Variants in IVD observed in about 807,000 individuals in gnomAD.
IVD encodes the protein isovaleryl-CoA dehydrogenase, mitochondrial.
Under a neutral mutation model 51.3 loss-of-function variants are expected in IVD, and 31 were observed. The observed-to-expected ratio is 0.60, with a 90% CI of 0.45 to 0.81. IVD has a LOEUF of 0.81. Among genes scored for constraint, IVD ranks in the 40% least tolerant of loss-of-function variants. The probability of loss-of-function intolerance (pLI) is 0.00; values close to 1 mark genes in which losing one functional copy is unlikely to be tolerated. For synonymous variants in IVD, 205 were observed against 219.4 expected, an observed-to-expected ratio of 0.93 and a Z score of 0.58; for missense variants, 475 against 552.0, an observed-to-expected ratio of 0.86 and a Z score of 1.40.
At position 40,420,060 on chromosome 15, in the gene IVD, G is replaced by A. The variant is rs925240293; in HGVS notation, c.*1797G>A. 12 of 855,396 alleles carry A rather than the reference G, an allele frequency of 1.4e-5. No homozygotes were observed. Among genetic ancestry groups the A allele is most frequent in the East Asian group, 1.2e-4 (1 of 8,134 alleles). 53.0% of individuals were successfully genotyped at this position (855,396 alleles called of 1,614,324 possible). A position where few individuals can be genotyped will look rare whatever the true frequency, so the allele number is the denominator to read the frequency against. ...CAGAGGTTGCAGGAGCTGAGATCGC[G>A]CCATTGCACTCCAGCCTGGGCAACA... On this transcript the variant is annotated 3_prime_UTR_variant, in exon 12 of 12. Transcript: ENST00000487418.
chr15:40,406,878 T>C (rs1293153153), intron 1 of IVD, among the ~76,000 whole-genome samples: 1 of 151,526 alleles, frequency 6.6e-6, no homozygotes, highest in East Asian at 1.9e-4. Flanking sequence ...TTTTTTTTTT[T>C]TTGAGACGGA....
At chr15:40,414,845 G>T in intron 7 of IVD, 44 bp from the exon 8 acceptor site, 1 of 1,612,004 alleles carries the variant, frequency 6.2e-7, no homozygotes, top group Non-Finnish European at 8.5e-7. Flanking sequence ...AAGTGAGGAG[G>T]CTGTGGACAG....
At chr15:40,424,054 G>C (rs2304645), downstream of IVD, 428,728 of 845,700 alleles carry the variant, frequency 0.51, 112,962 homozygotes, top group East Asian at 0.7. Context: ...CCACCACCCA[G>C]CCACTCTCAG....
intron 7 of IVD, among the ~76,000 whole-genome samples, chr15:40,430,255 T>A (rs1483340588): frequency 6.6e-6 from 1 of 152,166 alleles, no homozygotes; most frequent in African/African-American, 2.4e-5. Flanking sequence ...CTGTGGGCCA[T>A]GGAGAAACAG....
At chr15:40,431,204 G>A (rs904064105) in intron 7 of IVD, among the ~76,000 whole-genome samples, 2 of 148,402 alleles carry the variant, frequency 1.3e-5, no homozygotes, top group Admixed American at 6.8e-5. Context: ...GACAGGTCTC[G>A]AACTCCTGGG....
chr15:40,406,088 T>C (rs1445879679), intron 1 of IVD, 117 bp downstream of exon 1: 1 of 1,521,468 alleles, frequency 6.6e-7, no homozygotes, highest in African/African-American at 1.4e-5. Flanking sequence ...CTTTTGCCCG[T>C]GGGCCGTTGG....
At position 40,405,816 on chromosome 15, in the gene IVD, T is replaced by A; in HGVS notation, c.-12T>A. On this transcript the variant is annotated 5_prime_UTR_variant, in exon 1 of 12. Coordinates refer to ENST00000487418, the MANE Select transcript of IVD (RefSeq NM_002225.5). Reference sequence around the variant, plus strand: ...GCTCAGTTTCAGCGCTGGCTCTTCGTGCATGGCAGAGATGGCGACTGCGAC... The same window carrying A: ...GCTCAGTTTCAGCGCTGGCTCTTCGAGCATGGCAGAGATGGCGACTGCGAC... The A allele has an allele frequency of 6.2e-7, 1 of 1,610,716 alleles. No homozygotes were observed. The highest frequency in any genetic ancestry group is 8.5e-7 in the Non-Finnish European group (1 of 1,177,548).
At chr15:40,406,457 A>C (rs899703816) in intron 1 of IVD, 4 of 737,854 alleles carry the variant, frequency 5.4e-6, no homozygotes, top group African/African-American at 1.8e-5. Flanking sequence ...GTCGCTCTTC[A>C]GCCCATTGGG....
downstream of IVD, among the ~76,000 whole-genome samples, chr15:40,422,585 CTTTTTTTTTTTTTTTTT>C (rs1157351420): frequency 2.2e-4 from 15 of 69,134 alleles, no homozygotes; most frequent in African/African-American, 1.2e-3. Flanking sequence ...GCCCGGCCGA[CTTTTTTTTTTTTTTTTT>C]TTTTTTTTTT....
chr15:40,432,393 G>C (rs1261597695), intron 7 of IVD, among the ~76,000 whole-genome samples: 1 of 152,210 alleles, frequency 6.6e-6, no homozygotes, highest in Non-Finnish European at 1.5e-5. Context: ...AAGCAATGCT[G>C]TCTGCATGGC....
At position 40,421,123 on chromosome 15, in the gene IVD, C is replaced by T. The variant is rs1892261588; in HGVS notation, c.*2860C>T. 1.0e-6 allele frequency: 1 copy of T among 985,378 alleles called. No homozygotes were observed. The highest frequency in any genetic ancestry group is 1.2e-6 in the Non-Finnish European group (1 of 829,984). The allele number at this position is 985,378 out of a possible 1,614,324, so 61.0% of individuals were successfully genotyped here. A position where few individuals can be genotyped will look rare whatever the true frequency, so the allele number is the denominator to read the frequency against. On this transcript the variant is annotated 3_prime_UTR_variant, in exon 12 of 12. Transcript: ENST00000487418. ...CCTGCTATGTTGGAGATGAATGTGA[C>T]TAAAAGGGCCATCTTGCTGGCTTAA... is the stretch of plus-strand genomic sequence containing the variant.
chr15:40,414,588 C>G (rs1335869717), intron 7 of IVD: 11 of 376,156 alleles, frequency 2.9e-5, no homozygotes, highest in South Asian at 2.4e-4. Flanking sequence ...TGGGTGACTT[C>G]TAGACCAATT....
chr15:40,411,710 A>G lies in IVD; in HGVS notation c.687+19A>G. The stretch of plus-strand genomic sequence containing the variant: ...GGAGAAGGTGAGTATAGGTGGGTGC[A>G]GGGCCAGGAGGCTTCTGCCTCCTGA... On this transcript the variant is annotated intron_variant, in intron 6 of 11. Transcript: ENST00000487418. The G allele has an allele frequency of 1.2e-6, 2 of 1,614,004 alleles. No homozygotes were observed. The highest frequency in any genetic ancestry group is 1.7e-6 in the Non-Finnish European group (2 of 1,179,950).
downstream of IVD, among the ~76,000 whole-genome samples, chr15:40,427,262 G>A (rs562956317): frequency 1.3e-5 from 2 of 152,368 alleles, no homozygotes; most frequent in South Asian, 4.1e-4. Context: ...GATCCATTCA[G>A]ACACAGCTTG....
chr15:40,413,752 G>A (rs1210440959), intron 7 of IVD, among the ~76,000 whole-genome samples: 2 of 151,842 alleles, frequency 1.3e-5, no homozygotes, highest in African/African-American at 4.8e-5. Context: ...GTGCAGTGGC[G>A]TGATCTCAGC....
chr15:40,407,213 G>C (rs1426619371), intron 1 of IVD, among the ~76,000 whole-genome samples: 1 of 152,248 alleles, frequency 6.6e-6, no homozygotes, highest in East Asian at 1.9e-4. Context: ...TTTAGCCAAA[G>C]GTTCGGGGGC....
rs1267359192 is a variant in IVD at position 40,411,628 on chromosome 15, T to C, written c.624T>C (p.Tyr208=). The C allele has an allele frequency of 6.2e-7, 1 of 1,614,178 alleles. No individual in the cohort carries two copies. Among genetic ancestry groups the C allele is most frequent in the Admixed American group, 1.7e-5 (1 of 60,028 alleles). The change falls in exon 6 of 12, where the codon TAT becomes TAC. Residue 208 remains tyrosine (Y), a synonymous_variant. Transcript: ENST00000487418. ...CTGATGCTGACGTCCTGATTGTCTA[T>C]GCCAAGACAGATCTGGCTGCTGTGC... ...NGPDADVLIV[Y]AKTDLAAVPA... is the part of the protein sequence containing the mutation.
At chr15:40,425,029 C>A (rs1892585948), downstream of IVD, among the ~76,000 whole-genome samples, 2 of 152,168 alleles carry the variant, frequency 1.3e-5, no homozygotes, top group South Asian at 4.1e-4. Flanking sequence ...GGCCCTCATC[C>A]CCGTACTCCT....
chr15:40,405,812 T>A lies in IVD; in HGVS notation c.-16T>A, dbSNP rs770278965. The stretch of plus-strand genomic sequence containing the variant: ...GCTGGCTCAGTTTCAGCGCTGGCTC[T>A]TCGTGCATGGCAGAGATGGCGACTG... On this transcript the variant is annotated 5_prime_UTR_variant, in exon 1 of 12. Transcript: ENST00000487418. 1.2e-6 allele frequency: 2 copies of A among 1,608,494 alleles called. No homozygotes were observed. Among genetic ancestry groups the A allele is most frequent in the South Asian group, 2.2e-5 (2 of 90,910 alleles).
Sources: allele counts gnomAD v4.1 joint callset (sites outside exome capture counted in the v4.1 genomes callset), GRCh38; gene constraint gnomAD v4.1.1; transcripts MANE v1.5; gene names NCBI Gene and HGNC (gene_info 2026-07-23, HGNC 2026-07-21).